BLTP3A: variants seen among roughly 807,000 people sequenced by gnomAD.
BLTP3A encodes the protein bridge-like lipid transfer protein family member 3A.
chr6:34,872,014 G>GCAGCACACGCAACCTTT, the BLTP3A span: 3 of 1,309,462 alleles, frequency 2.3e-6, no homozygotes, highest in Non-Finnish European at 3.2e-6. Context: ...GGGCAAAAAG[G>GCAGCACACGCAACCTTT]TTGCGTGTGC....
chr6:34,812,309 A>G, the BLTP3A span, among the ~76,000 whole-genome samples: 1 of 146,716 alleles, frequency 6.8e-6, no homozygotes, highest in Admixed American at 6.8e-5. Flanking sequence ...AGCCTGGGCA[A>G]CAGAGCGAAA....
chr6:34,830,393 C>T, the BLTP3A span, among the ~76,000 whole-genome samples: 1 of 151,926 alleles, frequency 6.6e-6, no homozygotes, highest in African/African-American at 2.4e-5. Flanking sequence ...TCGAGACCAG[C>T]CTGGCCAACA....
chr6:34,814,790 ATTAACT>A, the BLTP3A span, among the ~76,000 whole-genome samples: 2 of 152,216 alleles, frequency 1.3e-5, no homozygotes, highest in Non-Finnish European at 2.9e-5. Flanking sequence ...GAGTTACACT[ATTAACT>A]TTAACAAAAA....
chr6:34,823,283 G>A, the BLTP3A span: 1 of 1,614,110 alleles, frequency 6.2e-7, no homozygotes, highest in Non-Finnish European at 8.5e-7. Flanking sequence ...AGGTGGAGAT[G>A]AAGACATGTG....
the BLTP3A span, chr6:34,875,431 C>T: frequency 6.6e-6 from 1 of 152,168 alleles, no homozygotes; most frequent in Admixed American, 6.6e-5. Flanking sequence ...CTCTTCTCAT[C>T]CCTTCCTCCC....
the BLTP3A span, chr6:34,857,909 T>C: frequency 9.3e-6 from 15 of 1,612,508 alleles, no homozygotes; most frequent in Non-Finnish European, 3.4e-6. Flanking sequence ...AGATGCATTC[T>C]GGTTGAAGGT....
At chr6:34,873,695 A>G in the BLTP3A span, 1 of 152,202 alleles carries the variant, frequency 6.6e-6, no homozygotes, top group African/African-American at 2.4e-5. Context: ...TTACTTGGCA[A>G]GATGGTAAAA....
chr6:34,819,520 A>G, the BLTP3A span, among the ~76,000 whole-genome samples: 4 of 152,188 alleles, frequency 2.6e-5, no homozygotes, highest in Admixed American at 6.6e-5. Flanking sequence ...AGAATGGCCA[A>G]GACTAAGCCC....
chr6:34,799,998 T>C, the BLTP3A span, among the ~76,000 whole-genome samples: 2 of 152,198 alleles, frequency 1.3e-5, no homozygotes, highest in African/African-American at 4.8e-5. Flanking sequence ...CATTTCTTAG[T>C]CTTTCAGTAC....
chr6:34,792,170 T>C, the BLTP3A span: 1 of 1,318,792 alleles, frequency 7.6e-7, no homozygotes, highest in Non-Finnish European at 9.9e-7. Context: ...CGCGGCGAGG[T>C]GAGGGGACCG....
the BLTP3A span, among the ~76,000 whole-genome samples, chr6:34,826,154 G>C: frequency 6.7e-6 from 1 of 149,524 alleles, no homozygotes; most frequent in African/African-American, 2.5e-5. Flanking sequence ...TCAGCCTCCT[G>C]AGTAGCTGGG....
chr6:34,816,572 C>T, the BLTP3A span, among the ~76,000 whole-genome samples: 8 of 152,296 alleles, frequency 5.3e-5, no homozygotes, highest in South Asian at 1.5e-3. Flanking sequence ...GTGATCACGC[C>T]ACTACACTCC....
At chr6:34,847,142 G>C in the BLTP3A span, among the ~76,000 whole-genome samples, 97 of 152,178 alleles carry the variant, frequency 6.4e-4, no homozygotes, top group Non-Finnish European at 1.3e-3. Context: ...TCTTTAATGT[G>C]TGGTTGAATT....
the BLTP3A span, chr6:34,863,923 G>C: frequency 7.3e-7 from 1 of 1,361,968 alleles, no homozygotes; most frequent in Non-Finnish European, 9.8e-7. Context: ...TGAGCTGAAA[G>C]GGATGGGTAT....
chr6:34,862,065 T>C, the BLTP3A span, among the ~76,000 whole-genome samples: 1 of 152,198 alleles, frequency 6.6e-6, no homozygotes, highest in Non-Finnish European at 1.5e-5. Flanking sequence ...TTTACATATC[T>C]AAATCTTTCT....
the BLTP3A span, among the ~76,000 whole-genome samples, chr6:34,830,125 T>G: frequency 6.6e-6 from 1 of 152,070 alleles, no homozygotes; most frequent in Non-Finnish European, 1.5e-5. Context: ...CCCTGGCTAA[T>G]TTTTGTATTT....
At chr6:34,867,533 C>T in the BLTP3A span, 1 of 1,614,122 alleles carries the variant, frequency 6.2e-7, no homozygotes, top group African/African-American at 1.3e-5. Flanking sequence ...GAGGACCTGA[C>T]TGTGGCCCTG....
the BLTP3A span, chr6:34,870,836 T>G: frequency 6.2e-7 from 1 of 1,611,978 alleles, no homozygotes; most frequent in Non-Finnish European, 8.5e-7. Context: ...GTTGTCTTCC[T>G]TGTCTTTCTT....
chr6:34,831,128 A>AT, the BLTP3A span, among the ~76,000 whole-genome samples: 314 of 142,602 alleles, frequency 2.2e-3, 1 homozygote, highest in South Asian at 4.0e-3. Context: ...ATCACTCTTA[A>AT]TTTTTTTTTT....
Sources: allele counts gnomAD v4.1 joint callset (sites outside exome capture counted in the v4.1 genomes callset), GRCh38; gene constraint gnomAD v4.1.1; transcripts MANE v1.5; gene names NCBI Gene and HGNC (gene_info 2026-07-23, HGNC 2026-07-21).